The following SLC25A26 variants were observed in gnomAD, a reference collection of about 807,000 sequenced individuals.
SLC25A26 encodes mitochondrial S-adenosylmethionine carrier protein.
In SLC25A26, 36 loss-of-function variants were observed where a neutral mutation model predicts 37.8. The ratio of observed to expected loss-of-function variants is 0.95; its 90% CI spans 0.73 to 1.26. The LOEUF (loss-of-function observed/expected upper bound fraction) is 1.26, where lower values mean the gene tolerates loss of function less well. Among genes scored for constraint, SLC25A26 ranks in the 50% most tolerant of loss-of-function variants. The pLI, the probability that SLC25A26 is intolerant of heterozygous loss-of-function variation, is 0.00. For missense variants in SLC25A26, 390 were observed against 331.1 expected (o/e 1.18, Z -1.38); for synonymous variants, 129 against 122.5 (o/e 1.05, Z -0.35).
chr3:66,310,445 C>G lies in SLC25A26; in HGVS notation c.454-35919C>G, dbSNP rs59787503. Among the ~76,000 whole-genome samples the G allele has an allele frequency of 7.3e-3, 1,107 of 152,240 alleles. 60 individuals carry two copies. In the East Asian group the frequency reaches 0.12, roughly 16 times the overall value. ...TACAGCACGCCAGTGGGTCTTAACT[C>G]TATCCAATTTGCCAGTCTGTTTCTT... On this transcript the variant is annotated intron_variant, in intron 5 of 9. Coordinates refer to ENST00000354883, the MANE Select transcript of SLC25A26 (RefSeq NM_001379210.1).
intron 5 of SLC25A26, among the ~76,000 whole-genome samples, chr3:66,272,564 G>A (rs76234548): frequency 1.3e-4 from 20 of 152,140 alleles, no homozygotes; most frequent in East Asian, 3.9e-4. Flanking sequence ...TCACGTTTGC[G>A]TGATTTTCCT....
chr3:66,244,984 C>CA (rs1340874329), intron 3 of SLC25A26, among the ~76,000 whole-genome samples: 2 of 151,850 alleles, frequency 1.3e-5, no homozygotes, highest in Admixed American at 6.6e-5. Flanking sequence ...CTCAAAAAAA[C>CA]AAAAAACAAA....
intron 5 of SLC25A26, among the ~76,000 whole-genome samples, chr3:66,320,164 A>G (rs2075656117): frequency 6.6e-6 from 1 of 152,194 alleles, no homozygotes; most frequent in South Asian, 2.1e-4. Flanking sequence ...GCCTAATAGC[A>G]TTAATTACAT....
chr3:66,376,636 G>T (rs1348754852), intron 9 of SLC25A26, among the ~76,000 whole-genome samples: 1 of 152,180 alleles, frequency 6.6e-6, no homozygotes, highest in Non-Finnish European at 1.5e-5. Context: ...TAACTTTTCT[G>T]TGCCCTGGGA....
At chr3:66,275,356 T>A (rs2074103902) in intron 5 of SLC25A26, among the ~76,000 whole-genome samples, 1 of 151,630 alleles carries the variant, frequency 6.6e-6, no homozygotes, top group Non-Finnish European at 1.5e-5. Flanking sequence ...CATATGTAAC[T>A]AACCTGCACA....
At chr3:66,216,420 G>A (rs2071362120), upstream of SLC25A26, among the ~76,000 whole-genome samples, 1 of 152,090 alleles carries the variant, frequency 6.6e-6, no homozygotes, top group Non-Finnish European at 1.5e-5. Context: ...GCTGAGGCAG[G>A]AAGATTGCTT....
Position 66,221,061 on chromosome 3 carries a change from C to T in SLC25A26, c.-34C>T, listed in dbSNP as rs1475886964. The T allele has an allele frequency of 2.6e-6, 4 of 1,535,760 alleles. No individual in the cohort carries two copies. Among genetic ancestry groups the T allele is most frequent in the East Asian group, 2.5e-5 (1 of 40,710 alleles). On this transcript the variant is annotated 5_prime_UTR_variant, in exon 1 of 10. Transcript: ENST00000354883. ...AGGACGTGATCCGCTTCTGCTCCGG[C>T]TTGGATTGTAGCCTTGACGAGGTCT...
rs117504444 is a variant in SLC25A26 at position 66,351,578 on chromosome 3, C to A, written c.498+5170C>A. On this transcript the variant is annotated intron_variant, in intron 6 of 9. Coordinates refer to ENST00000354883, the MANE Select transcript of SLC25A26 (RefSeq NM_001379210.1). ...CATGTTTATAGCTCCATGGCAAGCC[C>A]CTTCCTCTGAGTGGCAGCCTCAGAT... Among the ~76,000 whole-genome samples the A allele has an allele frequency of 3.0e-3, 452 of 152,166 alleles. 3 individuals carry two copies. Among genetic ancestry groups the A allele is most frequent in the East Asian group, 0.016 (82 of 5,146 alleles).
intron 9 of SLC25A26, among the ~76,000 whole-genome samples, chr3:66,372,832 A>C (rs1176172939): frequency 7.9e-5 from 12 of 152,156 alleles, no homozygotes; most frequent in African/African-American, 2.9e-4. Flanking sequence ...CCAAGCACAC[A>C]GCGCTGCTGC....
intron 5 of SLC25A26, among the ~76,000 whole-genome samples, chr3:66,340,945 G>T (rs2076196082): frequency 6.6e-6 from 1 of 152,002 alleles, no homozygotes; most frequent in Admixed American, 6.6e-5. Context: ...CTGTTGGAGA[G>T]AGAGAGAATG....
chr3:66,268,444 T>C (rs1374592002), intron 5 of SLC25A26, among the ~76,000 whole-genome samples: 1 of 152,210 alleles, frequency 6.6e-6, no homozygotes. Flanking sequence ...GTCATTGTAG[T>C]TCTAATTTTA....
At chr3:66,323,009 T>G (rs1322818703) in intron 5 of SLC25A26, among the ~76,000 whole-genome samples, 1 of 146,680 alleles carries the variant, frequency 6.8e-6, no homozygotes, top group Non-Finnish European at 1.6e-5. Context: ...ATTATAAAAC[T>G]CATTTCTTTA....
chr3:66,339,959 T>C (rs1159696587), intron 5 of SLC25A26, among the ~76,000 whole-genome samples: 3 of 152,128 alleles, frequency 2.0e-5, no homozygotes, highest in African/African-American at 7.2e-5. Context: ...AGATTTTCCC[T>C]GTGTTTTCTT....
chr3:66,242,988 T>C (rs959427173), intron 2 of SLC25A26, among the ~76,000 whole-genome samples: 6 of 152,250 alleles, frequency 3.9e-5, no homozygotes, highest in African/African-American at 1.4e-4. Context: ...GTAGGTGTTA[T>C]ATTTTCTGCA....
At chr3:66,210,213 C>CTTCACACAT (rs2071266214) in intron 1 of SLC25A26, among the ~76,000 whole-genome samples, 1 of 151,674 alleles carries the variant, frequency 6.6e-6, no homozygotes, top group African/African-American at 2.4e-5. Context: ...TTGTCTCTGT[C>CTTCACACAT]TTCACACATT....
intron 5 of SLC25A26, among the ~76,000 whole-genome samples, chr3:66,334,962 A>G (rs556601472): frequency 7.9e-5 from 12 of 152,324 alleles, no homozygotes; most frequent in Admixed American, 4.6e-4. Context: ...ATCAGATCCT[A>G]CATTCTATTT....
In SLC25A26 at chr3:66,236,529, C is replaced by G. The variant is rs990802732; in HGVS notation, c.34-15C>G. On this transcript the variant is annotated splice_polypyrimidine_tract_variant and intron_variant, in intron 1 of 9. Coordinates refer to ENST00000354883, the MANE Select transcript of SLC25A26 (RefSeq NM_001379210.1). ...CCTTTTTTTTTTCTTTTTCTTCCCT[C>G]TTTTTTTTTCAAAGGCTGGTGGGGT... The G allele has an allele frequency of 1.1e-5, 15 of 1,382,290 alleles. No homozygotes were observed. The African/African-American group carries it at 2.1e-4, about 19-fold the overall frequency. 85.6% of individuals were successfully genotyped at this position (1,382,290 alleles called of 1,614,324 possible).
intron 1 of SLC25A26, among the ~76,000 whole-genome samples, chr3:66,167,117 A>AT (rs1415489866): frequency 1.3e-5 from 2 of 152,276 alleles, no homozygotes; most frequent in Non-Finnish European, 2.9e-5. Context: ...TTCCTTATAA[A>AT]TTACTCAGGC....
intron 1 of SLC25A26, among the ~76,000 whole-genome samples, chr3:66,212,018 G>A (rs1029143282): frequency 6.6e-5 from 10 of 152,258 alleles, no homozygotes; most frequent in African/African-American, 1.4e-4. Context: ...GAACCGAACC[G>A]CAGTCCAAAA....
Sources: gnomAD v4.1 joint callset for allele counts (sites outside exome capture counted in the v4.1 genomes callset) on GRCh38, gnomAD v4.1.1 for gene constraint, MANE v1.5 for transcripts, NCBI Gene and HGNC (gene_info 2026-07-23, HGNC 2026-07-21) for gene names.